Variants in MYO3B observed in about 807,000 individuals in gnomAD.
MYO3B encodes the protein myosin IIIB.
In MYO3B, 156 loss-of-function variants were observed where a neutral mutation model predicts 174.6. That is an observed-to-expected ratio of 0.89 (90% confidence interval 0.78 to 1.02). MYO3B has a LOEUF of 1.02. MYO3B is among the 50% of genes least tolerant of loss of function. The probability of loss-of-function intolerance (pLI) is 0.00; values close to 1 mark genes in which losing one functional copy is unlikely to be tolerated. For synonymous variants in MYO3B, 563 were observed against 569.1 expected (o/e 0.99, Z 0.15); for missense variants, 1,632 against 1,639.4 (o/e 1.00, Z 0.08).
chr2:170,328,515 A>G (rs771653943), intron 7 of MYO3B, among the ~76,000 whole-genome samples: 11 of 151,358 alleles, frequency 7.3e-5, no homozygotes, highest in Non-Finnish European at 1.3e-4. Context: ...GCGGCAGTAT[A>G]TTCTCTCTTT....
chr2:170,599,225 A>G (rs1056887334), intron 32 of MYO3B, among the ~76,000 whole-genome samples: 3 of 152,206 alleles, frequency 2.0e-5, no homozygotes, highest in African/African-American at 2.4e-5. Context: ...ACATCAAGCT[A>G]AAGCATAGAA....
chr2:170,187,005 C>CTT lies in MYO3B; in HGVS notation c.2+8728_2+8729dup, dbSNP rs35780057. On this transcript the variant is annotated intron_variant, in intron 1 of 34. Transcript: ENST00000408978. ...CTCTGATTATATTTATTTGAGTTGT[C>CTT]TTTTTTTTTTTTTAAGTCTGGCTAA... is the stretch of plus-strand genomic sequence containing the variant. Among the ~76,000 whole-genome samples the CTT allele has an allele frequency of 1.3e-3, 176 of 134,260 alleles. 1 individual carries two copies. The highest frequency in any genetic ancestry group is 4.4e-3 in the African/African-American group (161 of 36,880). The allele number at this position is 134,260 out of a possible 152,430, so 88.1% of individuals were successfully genotyped here. A position where few individuals can be genotyped will look rare whatever the true frequency, so the allele number is the denominator to read the frequency against.
chr2:170,376,665 A>G (rs1005049022), intron 9 of MYO3B, among the ~76,000 whole-genome samples: 1 of 151,692 alleles, frequency 6.6e-6, no homozygotes, highest in Admixed American at 6.6e-5. Context: ...GGAATCTGGT[A>G]ACAGTGATAG....
At chr2:170,234,087 C>T (rs55828455) in intron 6 of MYO3B, among the ~76,000 whole-genome samples, 60,559 of 142,898 alleles carry the variant, frequency 0.42, 14,741 homozygotes, top group Admixed American at 0.57. Flanking sequence ...AGGAGAATGG[C>T]GTGAACCCAG....
chr2:170,446,520 G>T (rs1025992843), intron 23 of MYO3B, among the ~76,000 whole-genome samples: 2 of 152,148 alleles, frequency 1.3e-5, no homozygotes, highest in Middle Eastern at 3.4e-3. Context: ...AATGTGTATG[G>T]GTCTGATGAA....
At chr2:170,435,263 G>A (rs1397927530) in intron 22 of MYO3B, among the ~76,000 whole-genome samples, 2 of 152,316 alleles carry the variant, frequency 1.3e-5, no homozygotes, top group East Asian at 3.9e-4. Flanking sequence ...CAAAGTGAGG[G>A]CCTTTGATTA....
intron 6 of MYO3B, among the ~76,000 whole-genome samples, chr2:170,229,655 C>T (rs2092993002): frequency 6.6e-6 from 1 of 152,196 alleles, no homozygotes; most frequent in Non-Finnish European, 1.5e-5. Context: ...AGCCCAGCAG[C>T]TCTCTGACAT....
At chr2:170,318,913 A>G (rs1335378024) in intron 7 of MYO3B, among the ~76,000 whole-genome samples, 1 of 152,206 alleles carries the variant, frequency 6.6e-6, no homozygotes, top group African/African-American at 2.4e-5. Flanking sequence ...ACAATAGGGA[A>G]ACCCAAATAT....
At chr2:170,500,719 C>G (rs10188410) in intron 27 of MYO3B, among the ~76,000 whole-genome samples, 42,553 of 151,930 alleles carry the variant, frequency 0.28, 6,278 homozygotes, top group East Asian at 0.43. Context: ...TGCCGCATCT[C>G]CCAGAATGAC....
intron 32 of MYO3B, among the ~76,000 whole-genome samples, chr2:170,586,677 CT>C (rs1384345710): frequency 3.3e-5 from 5 of 152,152 alleles, no homozygotes; most frequent in African/African-American, 1.2e-4. Context: ...GGATCTGCCC[CT>C]GGAATAAAGG....
intron 28 of MYO3B, among the ~76,000 whole-genome samples, chr2:170,507,384 GCTTTC>G (rs773739946): frequency 2.0e-5 from 3 of 151,876 alleles, no homozygotes; most frequent in African/African-American, 4.8e-5. Context: ...AGAAAGTGGG[GCTTTC>G]TTTCTTTCTT....
intron 8 of MYO3B, among the ~76,000 whole-genome samples, chr2:170,335,869 A>T (rs564145573): frequency 6.6e-6 from 1 of 152,270 alleles, no homozygotes; most frequent in South Asian, 2.1e-4. Flanking sequence ...CATGGGAACA[A>T]GGGTCCAGTT....
intron 7 of MYO3B, among the ~76,000 whole-genome samples, chr2:170,287,216 T>C (rs1024202314): frequency 6.6e-6 from 1 of 152,208 alleles, no homozygotes; most frequent in African/African-American, 2.4e-5. Flanking sequence ...TTTTATATAC[T>C]GATTTCCTTT....
At chr2:170,504,523 A>G (rs1447340131) in intron 28 of MYO3B, among the ~76,000 whole-genome samples, 1 of 152,224 alleles carries the variant, frequency 6.6e-6, no homozygotes, top group East Asian at 1.9e-4. Context: ...GCACATTCAC[A>G]TACCAGAAAC....
chr2:170,527,266 A>G (rs1253214768), intron 30 of MYO3B, among the ~76,000 whole-genome samples: 1 of 152,202 alleles, frequency 6.6e-6, no homozygotes, highest in Admixed American at 6.6e-5. Context: ...AGGAAGAACT[A>G]TTACAGGGAA....
In MYO3B at chr2:170,400,212, T is replaced by G; in HGVS notation, c.1816T>G (p.Leu606Val). 3 of 1,614,024 alleles carry G rather than the reference T, an allele frequency of 1.9e-6. No individual in the cohort carries two copies. Among genetic ancestry groups the G allele is most frequent in the Non-Finnish European group, 2.5e-6 (3 of 1,179,994 alleles). ...DKEVHSVYRI[L>V]AGILNIGNIE... ...GGAGGTGCACTCAGTGTACAGAATT[T>G]TGGCTGGGATTTTGAATATTGGGAA... The change falls in exon 17 of 35, where the codon TTG (leucine) becomes GTG (valine). Residue 606 changes from leucine to valine, a missense_variant. Transcript: ENST00000408978.
At chr2:170,293,731 A>G (rs546035321) in intron 7 of MYO3B, among the ~76,000 whole-genome samples, 1 of 152,256 alleles carries the variant, frequency 6.6e-6, no homozygotes, top group Admixed American at 6.5e-5. Flanking sequence ...TTTTGAGACC[A>G]CAGCTCCCCT....
chr2:170,650,127 G>A (rs1027649091), intron 32 of MYO3B, among the ~76,000 whole-genome samples: 2 of 137,478 alleles, frequency 1.5e-5, no homozygotes, highest in Non-Finnish European at 3.0e-5. Context: ...CTGCCTCCCA[G>A]GTTCAAGTGA....
At chr2:170,400,847 T>TTTC (rs1249369137) in intron 17 of MYO3B, among the ~76,000 whole-genome samples, 18 of 152,190 alleles carry the variant, frequency 1.2e-4, no homozygotes, top group African/African-American at 3.9e-4. Flanking sequence ...CTTTTTTTTT[T>TTTC]CGAGGCGGAG....
Sources: gnomAD v4.1 joint callset for allele counts (sites outside exome capture counted in the v4.1 genomes callset) on GRCh38, gnomAD v4.1.1 for gene constraint, MANE v1.5 for transcripts, NCBI Gene and HGNC (gene_info 2026-07-23, HGNC 2026-07-21) for gene names.